ACACA: variants seen among roughly 807,000 people sequenced by gnomAD.
ACACA encodes the protein acetyl-CoA carboxylase alpha.
A neutral mutation model predicts 296.1 loss-of-function variants in ACACA; 103 were observed. The observed-to-expected ratio is 0.35, with a 90% CI of 0.30 to 0.41. The LOEUF (loss-of-function observed/expected upper bound fraction) is 0.41, where lower values mean the gene tolerates loss of function less well. Ranked by LOEUF, ACACA falls within the 10% of genes least tolerant of loss-of-function variation. The pLI, the probability that ACACA is intolerant of heterozygous loss-of-function variation, is 1.00. For missense variants in ACACA, 1,554 were observed against 2,989.7 expected (o/e 0.52, Z 11.20); for synonymous variants, 953 against 1,038.6 (o/e 0.92, Z 1.58).
intron 3 of ACACA, among the ~76,000 whole-genome samples, chr17:37,311,576 G>A (rs117562839): frequency 0.017 from 2,603 of 152,216 alleles, 40 homozygotes; most frequent in Middle Eastern, 0.051. Context: ...TAAATTAAAA[G>A]TGTCTAGAAG....
chr17:37,202,203 T>C (rs1475572732), intron 33 of ACACA, among the ~76,000 whole-genome samples: 1 of 152,202 alleles, frequency 6.6e-6, no homozygotes, highest in African/African-American at 2.4e-5. Flanking sequence ...AAGACAAGCA[T>C]CAGTAGCTAT....
chr17:37,230,353 C>T (rs2079798952), intron 25 of ACACA, among the ~76,000 whole-genome samples: 1 of 151,272 alleles, frequency 6.6e-6, no homozygotes, highest in East Asian at 1.9e-4. Context: ...CGTTGCACTC[C>T]AGCCTGGGCA....
chr17:37,114,343 A>T (rs2074130149), intron 50 of ACACA, among the ~76,000 whole-genome samples: 1 of 151,908 alleles, frequency 6.6e-6, no homozygotes, highest in Non-Finnish European at 1.5e-5. Context: ...GGAGTTCAAG[A>T]CCAACAGAGA....
At chr17:37,224,301 T>C (rs1598234228) in intron 27 of ACACA, among the ~76,000 whole-genome samples, 1 of 152,214 alleles carries the variant, frequency 6.6e-6, no homozygotes, top group African/African-American at 2.4e-5. Flanking sequence ...ATTAACCAAA[T>C]AAGAAAAAAC....
At chr17:37,317,116 T>C (rs986622777) in intron 3 of ACACA, among the ~76,000 whole-genome samples, 7 of 148,296 alleles carry the variant, frequency 4.7e-5, no homozygotes, top group Non-Finnish European at 1.0e-4. Flanking sequence ...CATGAGAAAG[T>C]GTTGTTATAT....
Position 37,223,492 on chromosome 17 carries a change from C to G in ACACA, c.3564+20G>C. On this transcript the variant is annotated intron_variant, in intron 28 of 55. Transcript: ENST00000616317. ...TAGAAACAAAGGAAAAGGTCATGTC[C>G]CATTACCATAAATACTTACCTCCAG... 2 of 1,544,350 alleles carry G rather than the reference C, an allele frequency of 1.3e-6. No homozygotes were observed. The highest frequency in any genetic ancestry group is 2.7e-5 in the African/African-American group (2 of 73,434).
At chr17:37,149,773 C>T (rs2075962777) in intron 45 of ACACA, 91 bp downstream of exon 45, 1 of 1,156,588 alleles carries the variant, frequency 8.6e-7, no homozygotes, top group South Asian at 1.2e-5. Context: ...ACGGATTGAA[C>T]TGCTTCCTTC....
chr17:37,291,059 C>T (rs1345047427), intron 3 of ACACA, among the ~76,000 whole-genome samples: 1 of 118,432 alleles, frequency 8.4e-6, no homozygotes, highest in Non-Finnish European at 1.6e-5. Context: ...TCCAGCCTGG[C>T]AACAGAGCAA....
chr17:37,246,595 G>A (rs2080715665), intron 19 of ACACA, among the ~76,000 whole-genome samples: 2 of 151,890 alleles, frequency 1.3e-5, no homozygotes, highest in South Asian at 2.1e-4. Context: ...ACTGTACGCC[G>A]CTAATTTTTT....
chr17:37,299,484 T>C (rs1025346478), intron 3 of ACACA: 3 of 1,506,110 alleles, frequency 2.0e-6, no homozygotes, highest in African/African-American at 1.4e-5. Flanking sequence ...AGAATACTCC[T>C]GATGGCCTCA....
intron 33 of ACACA, among the ~76,000 whole-genome samples, chr17:37,204,280 C>T (rs979636300): frequency 6.6e-6 from 1 of 152,182 alleles, no homozygotes; most frequent in African/African-American, 2.4e-5. Context: ...ATCCTGTCCC[C>T]TCAACTAGAC....
intron 45 of ACACA, among the ~76,000 whole-genome samples, chr17:37,134,651 C>T (rs1038849594): frequency 4.1e-4 from 63 of 152,096 alleles, no homozygotes; most frequent in Non-Finnish European, 7.6e-4. Context: ...AGTCTTTTCC[C>T]CCTCTTTAAA....
intron 1 of ACACA, among the ~76,000 whole-genome samples, chr17:37,367,417 A>G (rs2049647667): frequency 6.6e-6 from 1 of 152,068 alleles, no homozygotes; most frequent in African/African-American, 2.4e-5. Flanking sequence ...CAGCAACTCT[A>G]CCTTCTCTGT....
intron 51 of ACACA, among the ~76,000 whole-genome samples, chr17:37,112,641 T>G (rs2074039373): frequency 6.6e-6 from 1 of 152,170 alleles, no homozygotes; most frequent in African/African-American, 2.4e-5. Flanking sequence ...ACAGTGAAAC[T>G]ACTGGACTCT....
At chr17:37,298,346 T>G (rs548576689) in intron 3 of ACACA, among the ~76,000 whole-genome samples, 1 of 152,270 alleles carries the variant, frequency 6.6e-6, no homozygotes, top group South Asian at 2.1e-4. Context: ...TTCAGTAATT[T>G]TCTTCAAAAT....
intron 29 of ACACA, among the ~76,000 whole-genome samples, chr17:37,216,790 T>C (rs1257980693): frequency 2.0e-5 from 3 of 150,650 alleles, no homozygotes; most frequent in Non-Finnish European, 4.4e-5. Context: ...ATAAGTAAGA[T>C]ACAGGTCTTC....
intron 40 of ACACA, 51 bp downstream of exon 40, chr17:37,181,150 G>A: frequency 2.5e-6 from 4 of 1,605,810 alleles, no homozygotes; most frequent in Non-Finnish European, 3.4e-6. Flanking sequence ...GGAAATTCAG[G>A]GAAACCTTGC....
intron 3 of ACACA, among the ~76,000 whole-genome samples, chr17:37,317,192 T>C (rs1314535442): frequency 2.0e-5 from 3 of 152,198 alleles, no homozygotes; most frequent in African/African-American, 7.2e-5. Context: ...ATATTTTTAA[T>C]GACATTTATC....
intron 50 of ACACA, among the ~76,000 whole-genome samples, chr17:37,116,611 C>T (rs1479720636): frequency 6.6e-6 from 1 of 152,158 alleles, no homozygotes; most frequent in Non-Finnish European, 1.5e-5. Flanking sequence ...CTTGGAACAC[C>T]TATAGACCCA....
Sources: gnomAD v4.1 joint callset for allele counts (sites outside exome capture counted in the v4.1 genomes callset) on GRCh38, gnomAD v4.1.1 for gene constraint, MANE v1.5 for transcripts, NCBI Gene and HGNC (gene_info 2026-07-23, HGNC 2026-07-21) for gene names.